The following FRMD5 variants were observed in gnomAD, a reference collection of about 807,000 sequenced individuals.
The protein encoded by FRMD5 is FERM domain-containing protein 5.
A neutral mutation model predicts 69.0 loss-of-function variants in FRMD5; 20 were observed. That is an observed-to-expected ratio of 0.29 (90% CI 0.20 to 0.42). The LOEUF is 0.42. FRMD5 is among the 10% of genes least tolerant of loss of function. FRMD5 has a pLI of 1.00. For missense variants in FRMD5, 595 were observed against 708.6 expected, an observed-to-expected ratio of 0.84 and a Z score of 1.82; for synonymous variants, 271 against 260.1, an observed-to-expected ratio of 1.04 and a Z score of -0.40.
At chr15:44,040,077 A>G (rs772681315) in intron 1 of FRMD5, among the ~76,000 whole-genome samples, 1 of 152,040 alleles carries the variant, frequency 6.6e-6, no homozygotes, top group East Asian at 1.9e-4. Flanking sequence ...AGGATATCAG[A>G]GATTGAAGAT....
intron 1 of FRMD5, among the ~76,000 whole-genome samples, chr15:44,089,134 G>C (rs1191991618): frequency 6.6e-6 from 1 of 152,144 alleles, no homozygotes; most frequent in Admixed American, 6.6e-5. Context: ...AGCACAGGAG[G>C]GGACAGAAAG....
chr15:44,192,867 T>TA (rs949071013), intron 1 of FRMD5, among the ~76,000 whole-genome samples: 3 of 152,196 alleles, frequency 2.0e-5, no homozygotes, highest in Admixed American at 1.3e-4. Flanking sequence ...AGTGGACACT[T>TA]ACTACAGTGT....
chr15:44,016,473 A>C (rs923218414), intron 1 of FRMD5, among the ~76,000 whole-genome samples: 1 of 152,204 alleles, frequency 6.6e-6, no homozygotes, highest in African/African-American at 2.4e-5. Flanking sequence ...CTGTAATCCC[A>C]GCACTTTGGG....
intron 1 of FRMD5, among the ~76,000 whole-genome samples, chr15:44,023,166 TCTACAAGAGACGTTCTTGC>T (rs1891286327): frequency 6.6e-6 from 1 of 151,974 alleles, no homozygotes; most frequent in Non-Finnish European, 1.5e-5. Context: ...AGGTCAGGGG[TCTACAAGAGACGTTCTTGC>T]CCCTGAAATG....
At chr15:44,039,218 C>CG (rs1378567786) in intron 1 of FRMD5, among the ~76,000 whole-genome samples, 1 of 152,202 alleles carries the variant, frequency 6.6e-6, no homozygotes, top group Non-Finnish European at 1.5e-5. Flanking sequence ...ACAGAGCACC[C>CG]GGGGGAAGGG....
chr15:44,086,599 G>T (rs182199878), intron 1 of FRMD5, among the ~76,000 whole-genome samples: 31 of 152,280 alleles, frequency 2.0e-4, no homozygotes, highest in African/African-American at 7.5e-4. Context: ...TCCTTTTGGG[G>T]TGATGAAAGT....
At chr15:43,983,547 T>C (rs1595586671) in intron 1 of FRMD5, among the ~76,000 whole-genome samples, 1 of 152,180 alleles carries the variant, frequency 6.6e-6, no homozygotes, top group East Asian at 1.9e-4. Flanking sequence ...AACTGCCAAA[T>C]CACCCAGGAT....
At chr15:43,923,982 T>C (rs966930643) in intron 2 of FRMD5, among the ~76,000 whole-genome samples, 1 of 152,214 alleles carries the variant, frequency 6.6e-6, no homozygotes, top group African/African-American at 2.4e-5. Flanking sequence ...TTAAGCTCCC[T>C]AGCCTGCCAT....
chr15:43,892,429 A>G (rs2088814290), intron 7 of FRMD5, among the ~76,000 whole-genome samples: 1 of 152,226 alleles, frequency 6.6e-6, no homozygotes, highest in South Asian at 2.1e-4. Flanking sequence ...AAGTCATTTA[A>G]ATTGTTAAAA....
chr15:43,953,369 G>T (rs1056302289), intron 1 of FRMD5, among the ~76,000 whole-genome samples: 1 of 152,200 alleles, frequency 6.6e-6, no homozygotes, highest in African/African-American at 2.4e-5. Flanking sequence ...CCTCAAGCAT[G>T]GCTCAATCCT....
Position 43,874,292 on chromosome 15 carries a change from C to A in FRMD5, c.1306G>T (p.Ala436Ser), listed in dbSNP as rs548249006. 3.1e-6 allele frequency: 5 copies of A among 1,614,228 alleles called. No individual in the cohort carries two copies. In the East Asian group the frequency reaches 8.9e-5, roughly 29 times the overall value. The change falls in exon 14 of 14, where the codon GCT (alanine) becomes TCT (serine). Residue 436 changes from alanine to serine, a missense_variant. Physicochemically the swap from Ala to Ser is moderately conservative, Grantham distance 99 (BLOSUM62 1). Transcript: ENST00000417257. ...AACATCAGCTCCAGGCTGTGCTCAGCCACAGGGGTGGGCAGCACGCTGTCT... is the reference window on the plus strand; with the variant it reads ...AACATCAGCTCCAGGCTGTGCTCAGACACAGGGGTGGGCAGCACGCTGTCT... ...PADSVLPTPV[A>S]EHSLELMLLS...
chr15:43,945,131 T>C (rs1038282110), intron 1 of FRMD5, among the ~76,000 whole-genome samples: 2 of 152,070 alleles, frequency 1.3e-5, no homozygotes, highest in African/African-American at 2.4e-5. Context: ...ATCTCCTTAA[T>C]CTAAAAGCCA....
intron 1 of FRMD5, among the ~76,000 whole-genome samples, chr15:44,070,979 G>A (rs1367839348): frequency 6.6e-6 from 1 of 152,136 alleles, no homozygotes; most frequent in Admixed American, 6.5e-5. Context: ...TTTGGCACCT[G>A]CTATCCCATT....
intron 13 of FRMD5, chr15:43,879,521 C>T (rs529625925): frequency 5.0e-6 from 2 of 399,092 alleles, no homozygotes; most frequent in Non-Finnish European, 8.8e-6. Flanking sequence ...CCAGCTGATT[C>T]CCTTGCCCGG....
At chr15:43,954,416 A>G (rs945631922) in intron 1 of FRMD5, among the ~76,000 whole-genome samples, 4 of 152,200 alleles carry the variant, frequency 2.6e-5, no homozygotes, top group East Asian at 1.9e-4. Flanking sequence ...CAAATTATTC[A>G]GTGCCTGTAT....
chr15:43,989,331 A>C, intron 1 of FRMD5: 1 of 784,158 alleles, frequency 1.3e-6, no homozygotes. Flanking sequence ...TGTCCACATC[A>C]CACTTCATGA....
intron 2 of FRMD5, among the ~76,000 whole-genome samples, chr15:43,922,764 G>A (rs905279052): frequency 9.3e-5 from 14 of 151,346 alleles, no homozygotes; most frequent in African/African-American, 3.2e-4. Flanking sequence ...TCCACCTCCC[G>A]GGTTCGAGTG....
intron 1 of FRMD5, among the ~76,000 whole-genome samples, chr15:43,988,700 C>T (rs923105875): frequency 6.6e-6 from 1 of 152,136 alleles, no homozygotes; most frequent in Non-Finnish European, 1.5e-5. Flanking sequence ...TACATGAAAG[C>T]AATGCTATCA....
intron 11 of FRMD5, 104 bp from the exon 12 acceptor site, chr15:43,884,899 CTG>C (rs2088626775): frequency 1.0e-6 from 1 of 962,366 alleles, no homozygotes; most frequent in African/African-American, 1.6e-5. Flanking sequence ...GAAATGGCAT[CTG>C]TGGCCCACCC....
Sources: gnomAD v4.1 joint callset for allele counts (sites outside exome capture counted in the v4.1 genomes callset) on GRCh38, gnomAD v4.1.1 for gene constraint, MANE v1.5 for transcripts, NCBI Gene and HGNC (gene_info 2026-07-23, HGNC 2026-07-21) for gene names.